UPP2: variants seen among roughly 807,000 people sequenced by gnomAD.
UPP2 encodes UPase 2.
Under a neutral mutation model 26.7 loss-of-function variants are expected in UPP2, and 23 were observed. The ratio of observed to expected loss-of-function variants is 0.86; its 90% CI spans 0.62 to 1.22. UPP2 has a LOEUF of 1.22. Ranked by LOEUF, UPP2 falls within the 50% of genes most tolerant of loss-of-function variation. UPP2 has a pLI of 0.00. For synonymous variants in UPP2, 127 were observed against 141.3 expected, an observed-to-expected ratio of 0.90 and a Z score of 0.72; for missense variants, 387 against 396.7, an observed-to-expected ratio of 0.98 and a Z score of 0.21.
At chr2:158,070,840 T>C (rs898395894) in intron 3 of UPP2, among the ~76,000 whole-genome samples, 1 of 152,110 alleles carries the variant, frequency 6.6e-6, no homozygotes, top group Non-Finnish European at 1.5e-5. Flanking sequence ...CTACATGGCA[T>C]GGAGAGGGAA....
chr2:158,058,584 A>G (rs1454942416), intron 3 of UPP2, among the ~76,000 whole-genome samples: 3 of 152,126 alleles, frequency 2.0e-5, no homozygotes, highest in Non-Finnish European at 4.4e-5. Context: ...CTCCTGAACC[A>G]TAAGAAAATA....
intron 3 of UPP2, among the ~76,000 whole-genome samples, chr2:158,056,611 A>C (rs1682249245): frequency 6.6e-6 from 1 of 152,134 alleles, no homozygotes; most frequent in South Asian, 2.1e-4. Flanking sequence ...GGCTGCTGGC[A>C]ATCTTTGGTG....
At position 158,095,266 on chromosome 2, in the gene UPP2, G is replaced by A. The variant is rs144139101; in HGVS notation, c.148-6774G>A. On this transcript the variant is annotated intron_variant, in intron 3 of 9. Transcript: ENST00000605860. ...ACTTTAAAATCAGCTTTAGGACTGG[G>A]CCATCATTTTGATGGGGCCATCTTG... Among the ~76,000 whole-genome samples the A allele has an allele frequency of 2.0e-3, 312 of 152,278 alleles. 7 individuals carry two copies. The East Asian group carries it at 0.03, about 15-fold the overall frequency.
At chr2:158,072,788 A>G (rs1287948799) in intron 3 of UPP2, among the ~76,000 whole-genome samples, 1 of 152,232 alleles carries the variant, frequency 6.6e-6, no homozygotes, top group Non-Finnish European at 1.5e-5. Flanking sequence ...CAATGAGTCT[A>G]TAAGAACCAC....
intron 3 of UPP2, among the ~76,000 whole-genome samples, chr2:158,089,380 G>A (rs1255228401): frequency 1.3e-5 from 2 of 152,154 alleles, no homozygotes; most frequent in Non-Finnish European, 2.9e-5. Flanking sequence ...AAGCAGGGCT[G>A]AGAACTTGCC....
rs145624469 is a variant in UPP2, at chr2:158,051,695, C to T, written c.147+35809C>T. Among the ~76,000 whole-genome samples the T allele has an allele frequency of 3.4e-3, 522 of 152,106 alleles. 1 individual carries two copies. Among genetic ancestry groups the T allele is most frequent in the African/African-American group, 0.012 (481 of 41,492 alleles). On this transcript the variant is annotated intron_variant, in intron 3 of 9. Coordinates refer to the UPP2 transcript ENST00000605860. ...ACTCAGGAGGCTGAGACAGGAGAAT[C>T]GCTTGAACCCAGGAGGCGGAGGTTG...
At chr2:158,019,875 A>G (rs1451048311) in intron 3 of UPP2, among the ~76,000 whole-genome samples, 1 of 152,228 alleles carries the variant, frequency 6.6e-6, no homozygotes, top group East Asian at 1.9e-4. Context: ...GTGGTTACGT[A>G]AATTTACACA....
rs193206863 is a variant in UPP2 at position 158,012,894 on chromosome 2, T to C, written c.62-2907T>C. Reference sequence around the variant, plus strand: ...ACTTAAACTCAAAATAACTTATTACTAAAAATTTTAAGTGATGATCTCATA... The same window carrying C: ...ACTTAAACTCAAAATAACTTATTACCAAAAATTTTAAGTGATGATCTCATA... On this transcript the variant is annotated intron_variant, in intron 2 of 9. Coordinates refer to the UPP2 transcript ENST00000605860. Among the ~76,000 whole-genome samples the C allele has an allele frequency of 1.7e-4, 26 of 152,316 alleles. 1 individual carries two copies. Among genetic ancestry groups the C allele is most frequent in the Non-Finnish European group, 3.7e-4 (25 of 68,030 alleles).
intron 3 of UPP2, among the ~76,000 whole-genome samples, chr2:158,057,746 T>A (rs1009026852): frequency 6.6e-5 from 10 of 152,158 alleles, no homozygotes; most frequent in African/African-American, 2.4e-4. Context: ...TCTTTTTTGT[T>A]TTTTAACTTC....
intron 3 of UPP2, among the ~76,000 whole-genome samples, chr2:158,060,829 G>A (rs1682340995): frequency 1.3e-5 from 2 of 152,186 alleles, no homozygotes; most frequent in South Asian, 2.1e-4. Flanking sequence ...TACAAGTCAG[G>A]AAGAGAGCCC....
intron 3 of UPP2, among the ~76,000 whole-genome samples, chr2:158,078,078 T>C (rs1023005511): frequency 2.0e-5 from 3 of 151,942 alleles, no homozygotes; most frequent in African/African-American, 4.8e-5. Context: ...AAAACTACAA[T>C]GAGATATCAT....
chr2:158,084,681 G>A (rs1019839241), intron 3 of UPP2, among the ~76,000 whole-genome samples: 17 of 152,276 alleles, frequency 1.1e-4, no homozygotes, highest in African/African-American at 4.1e-4. Context: ...TAAGGTGAGA[G>A]ATGAGGATCC....
chr2:158,051,177 G>A (rs1682150582), intron 3 of UPP2, among the ~76,000 whole-genome samples: 1 of 150,674 alleles, frequency 6.6e-6, no homozygotes, highest in African/African-American at 2.5e-5. Context: ...GTGTGTGTGT[G>A]TGTGTGTGTG....
chr2:158,066,118 C>G, intron 3 of UPP2: 1 of 236,700 alleles, frequency 4.2e-6, no homozygotes, highest in Non-Finnish European at 8.4e-6. Context: ...TGAGATAGGA[C>G]CTGATTTGTT....
intron 3 of UPP2, among the ~76,000 whole-genome samples, chr2:158,017,324 G>A (rs1221610405): frequency 1.3e-5 from 2 of 152,058 alleles, no homozygotes; most frequent in African/African-American, 4.8e-5. Context: ...TGACCCAGAG[G>A]TACCTTGTGA....
At chr2:158,093,440 C>T (rs372904797) in intron 3 of UPP2, among the ~76,000 whole-genome samples, 42 of 152,136 alleles carry the variant, frequency 2.8e-4, no homozygotes, top group African/African-American at 9.9e-4. Flanking sequence ...ACTCCTAAAA[C>T]ATAATGACAT....
At chr2:158,124,047 C>T in intron 6 of UPP2, 152 bp downstream of exon 6, 1 of 819,662 alleles carries the variant, frequency 1.2e-6, no homozygotes, top group East Asian at 2.8e-5. Flanking sequence ...CTCATAATAT[C>T]TTGTGAGTGG....
At chr2:158,105,482 T>C (rs1234735005) in intron 1 of UPP2, among the ~76,000 whole-genome samples, 1 of 152,174 alleles carries the variant, frequency 6.6e-6, no homozygotes, top group African/African-American at 2.4e-5. Flanking sequence ...AGGAGCTTGC[T>C]AGAAATGCAA....
intron 3 of UPP2, among the ~76,000 whole-genome samples, chr2:158,077,640 A>T (rs1682651742): frequency 6.6e-6 from 1 of 152,186 alleles, no homozygotes; most frequent in Admixed American, 6.5e-5. Context: ...AATCAAATCA[A>T]AATGGATTAA....
Sources: gnomAD v4.1 joint callset for allele counts (sites outside exome capture counted in the v4.1 genomes callset) on GRCh38, gnomAD v4.1.1 for gene constraint, MANE v1.5 for transcripts, NCBI Gene and HGNC (gene_info 2026-07-23, HGNC 2026-07-21) for gene names.